Variants in ARHGAP21 observed in about 807,000 individuals in gnomAD.
ARHGAP21 encodes the protein rho GTPase-activating protein 21.
Under a neutral mutation model 164.6 loss-of-function variants are expected in ARHGAP21, and 38 were observed. The ratio of observed to expected loss-of-function variants is 0.23; its 90% CI spans 0.18 to 0.30. The LOEUF (loss-of-function observed/expected upper bound fraction) is 0.30. ARHGAP21 is among the 10% of genes least tolerant of loss of function. The pLI is 1.00. For missense variants in ARHGAP21, 1,822 were observed against 2,370.7 expected (o/e 0.77, Z 4.81); for synonymous variants, 766 against 857.9 (o/e 0.89, Z 1.87).
chr10:24,701,565 A>G (rs1434775201), intron 2 of ARHGAP21, among the ~76,000 whole-genome samples: 2 of 152,202 alleles, frequency 1.3e-5, no homozygotes, highest in African/African-American at 4.8e-5. Context: ...ATCTGAAATG[A>G]AAGTATTTCA....
intron 2 of ARHGAP21, among the ~76,000 whole-genome samples, chr10:24,699,513 T>C (rs540898967): frequency 4.9e-4 from 75 of 151,970 alleles, no homozygotes; most frequent in South Asian, 1.0e-3. Context: ...TTAGTAGAGA[T>C]AGGGTTTCAC....
intron 4 of ARHGAP21, among the ~76,000 whole-genome samples, chr10:24,656,234 G>A (rs1398726522): frequency 3.7e-4 from 47 of 127,264 alleles, no homozygotes; most frequent in Non-Finnish European, 5.6e-4. Context: ...CCCCCCGCCC[G>A]GCCAGCCGCC....
rs2076236158 is a variant in ARHGAP21, at chr10:24,589,294, T to C, written c.4159A>G (p.Thr1387Ala). The C allele has an allele frequency of 3.1e-6, 5 of 1,608,428 alleles. No individual in the cohort carries two copies. The Admixed American group carries it at 5.0e-5, about 16-fold the overall frequency. ...VSPGDVSDSA[T>A]SDSTKSKGSW... Reference sequence around the variant, plus strand: ...ACCTTAGATTTTGTTGAGTCACTAGTAGCTGAATCTGTGAAAAATTAAATA... The same window carrying C: ...ACCTTAGATTTTGTTGAGTCACTAGCAGCTGAATCTGTGAAAAATTAAATA... Residue 1387 changes from threonine (T) to alanine (A), a missense_variant, in exon 25 of 26, where the codon ACT (threonine) becomes GCT (alanine). Transcript: ENST00000396432.
At chr10:24,610,243 G>T (rs545670127) in intron 9 of ARHGAP21, among the ~76,000 whole-genome samples, 19 of 152,256 alleles carry the variant, frequency 1.2e-4, no homozygotes, top group African/African-American at 4.1e-4. Context: ...TGGGCATGGT[G>T]GTGCGCGCCT....
intron 6 of ARHGAP21, among the ~76,000 whole-genome samples, chr10:24,632,651 GGT>G (rs1835956528): frequency 1.3e-5 from 2 of 152,170 alleles, no homozygotes; most frequent in African/African-American, 4.8e-5. Context: ...ATTACAGACA[GGT>G]GAGTTTGGCC....
chr10:24,606,202 A>T (rs756280003), intron 11 of ARHGAP21, among the ~76,000 whole-genome samples: 10 of 152,182 alleles, frequency 6.6e-5, no homozygotes, highest in Non-Finnish European at 1.2e-4. Flanking sequence ...AAGTCCACAA[A>T]TATTTCCTAA....
intron 2 of ARHGAP21, among the ~76,000 whole-genome samples, chr10:24,670,780 G>T (rs778371304): frequency 6.6e-6 from 1 of 152,088 alleles, no homozygotes; most frequent in African/African-American, 2.4e-5. Context: ...AAACTCTGAC[G>T]AAGAAATAAA....
intron 2 of ARHGAP21, among the ~76,000 whole-genome samples, chr10:24,690,861 T>A (rs1842710801): frequency 6.6e-6 from 1 of 150,438 alleles, no homozygotes; most frequent in East Asian, 1.9e-4. Flanking sequence ...TATACACATA[T>A]ATATATACAC....
Position 24,633,417 on chromosome 10 carries a change from G to C in ARHGAP21, c.425C>G (p.Ala142Gly). The C allele has an allele frequency of 1.2e-6, 2 of 1,609,334 alleles. No homozygotes were observed. The highest frequency in any genetic ancestry group is 1.7e-6 in the Non-Finnish European group (2 of 1,177,146). ...VIGKTYSQVI[A>G]LIQNSDTTLE... Reference sequence around the variant, plus strand: ...AGACTCTTACCTGTTTTGAATTAAAGCAATTACTTGGGAATAGGTTTTGCC... The same window carrying C: ...AGACTCTTACCTGTTTTGAATTAAACCAATTACTTGGGAATAGGTTTTGCC... The change falls in exon 6 of 26, where the codon GCT becomes GGT. Residue 142 changes from alanine (A) to glycine (G), a missense_variant. Coordinates refer to ENST00000396432, the MANE Select transcript of ARHGAP21 (RefSeq NM_020824.4).
chr10:24,591,193 C>A, intron 24 of ARHGAP21, 32 bp downstream of exon 24: 1 of 1,514,450 alleles, frequency 6.6e-7, no homozygotes, highest in South Asian at 1.2e-5. Flanking sequence ...AGCTTTCAGC[C>A]TAGAGGTCAA....
intron 4 of ARHGAP21, among the ~76,000 whole-genome samples, chr10:24,655,760 G>A (rs1838764688): frequency 7.3e-6 from 1 of 136,794 alleles, no homozygotes; most frequent in Admixed American, 7.2e-5. Context: ...ATCCCATCTA[G>A]GAAGTGAGGA....
chr10:24,667,004 T>C lies in ARHGAP21; in HGVS notation c.249A>G (p.Glu83=). Residue 83 remains glutamate (E), a synonymous_variant, in exon 4 of 26, where the codon GAA becomes GAG. Transcript: ENST00000396432. ...ESAIQFSYKD[E]ENGNRGGKQR... ...GCATACCTCCTCTGTTTCCATTTTCTTCATCCTACAAATGAAAATATATAT... is the reference window on the plus strand; with the variant it reads ...GCATACCTCCTCTGTTTCCATTTTCCTCATCCTACAAATGAAAATATATAT... 7.1e-7 allele frequency: 1 copy of C among 1,414,286 alleles called. No homozygotes were observed. Among genetic ancestry groups the C allele is most frequent in the Middle Eastern group, 1.9e-4 (1 of 5,312 alleles). 87.6% of individuals were successfully genotyped at this position (1,414,286 alleles called of 1,614,324 possible).
rs2075989157 is a variant in ARHGAP21, at chr10:24,583,765, A to ACAACATTATATCAAATCTGGTAT, written c.*624_*646dup. 1 of 152,676 alleles carries ACAACATTATATCAAATCTGGTAT rather than the reference A, an allele frequency of 6.5e-6. No homozygotes were observed. The highest frequency in any genetic ancestry group is 2.4e-5 in the African/African-American group (1 of 41,466). The allele number at this position is 152,676 out of a possible 1,614,324, so 9.5% of individuals were successfully genotyped here. On this transcript the variant is annotated 3_prime_UTR_variant, in exon 26 of 26. Coordinates refer to ENST00000396432, the MANE Select transcript of ARHGAP21 (RefSeq NM_020824.4). ...GATCCACTATCTACACACCTATGTTACAACATTATATCAAATCTGGTATCT... is the reference window on the plus strand; with the variant it reads ...GATCCACTATCTACACACCTATGTTACAACATTATATCAAATCTGGTATCAACATTATATCAAATCTGGTATCT...
In ARHGAP21 at chr10:24,585,487, G is replaced by T. The variant is rs769780369; in HGVS notation, c.4802C>A (p.Ser1601Tyr). The T allele has an allele frequency of 1.9e-6, 3 of 1,614,160 alleles. No homozygotes were observed. The highest frequency in any genetic ancestry group is 1.3e-5 in the African/African-American group (1 of 75,050). ...SSATYLTSLD[S>Y]SRLSPEVQSV... ...TTGCACCTCAGGGCTCAGTCGACTG[G>T]AGTCCAGGCTAGTCAAGTATGTAGC... The change falls in exon 26 of 26, where the codon TCC becomes TAC. Residue 1601 changes from serine (S) to tyrosine (Y), a missense_variant. By Grantham distance (144) the Ser-to-Tyr change is moderately radical. Transcript: ENST00000396432.
chr10:24,635,067 A>G lies in ARHGAP21; in HGVS notation c.305T>C (p.Ile102Thr). ...QRNRLEPMDT[I>T]FVKQVKEGGP... ...TCCTTCTTTAACTTGCTTAACAAAT[A>G]TGGTATCCATTGGTTCCAAGCGGTT... Residue 102 changes from isoleucine to threonine, a missense_variant, in exon 5 of 26, where the codon ATA (isoleucine) becomes ACA (threonine). By Grantham distance (89) the Ile-to-Thr change is moderately conservative (BLOSUM62 -1). Transcript: ENST00000396432. The G allele has an allele frequency of 6.2e-7, 1 of 1,602,976 alleles. No individual in the cohort carries two copies.
chr10:24,596,623 A>G, intron 17 of ARHGAP21, 117 bp downstream of exon 17: 2 of 1,436,312 alleles, frequency 1.4e-6, no homozygotes, highest in Non-Finnish European at 1.9e-6. Context: ...AAGGTCTGCT[A>G]TGAAAAGGAA....
chr10:24,664,293 A>G (rs1375338168), intron 4 of ARHGAP21, among the ~76,000 whole-genome samples: 1 of 152,318 alleles, frequency 6.6e-6, no homozygotes, highest in African/African-American at 2.4e-5. Context: ...GCAGTGGCTC[A>G]TGCCTGTAAT....
chr10:24,612,961 G>A (rs2077333628), intron 9 of ARHGAP21, among the ~76,000 whole-genome samples: 1 of 152,090 alleles, frequency 6.6e-6, no homozygotes, highest in Non-Finnish European at 1.5e-5. Flanking sequence ...GAGGTGAACG[G>A]CTAAAGTTAA....
intron 7 of ARHGAP21, among the ~76,000 whole-genome samples, chr10:24,624,121 ATGCAGG>A (rs1336595735): frequency 6.6e-6 from 1 of 152,148 alleles, no homozygotes; most frequent in Non-Finnish European, 1.5e-5. Context: ...ATCCATACAA[ATGCAGG>A]CATTAACAGT....
Sources: allele counts gnomAD v4.1 joint callset (sites outside exome capture counted in the v4.1 genomes callset), GRCh38; gene constraint gnomAD v4.1.1; transcripts MANE v1.5; gene names NCBI Gene and HGNC (gene_info 2026-07-23, HGNC 2026-07-21).